Variants in FNDC3B observed in about 807,000 individuals in gnomAD.
The protein encoded by FNDC3B is fibronectin type III domain containing 3B.
In FNDC3B, 12 loss-of-function variants were observed where a neutral mutation model predicts 151.5. The observed-to-expected ratio is 0.08, with a 90% confidence interval of 0.05 to 0.13. FNDC3B has a LOEUF of 0.13. FNDC3B is among the 10% of genes least tolerant of loss of function. FNDC3B has a pLI of 1.00. For synonymous variants in FNDC3B, 528 were observed against 549.0 expected (o/e 0.96, Z 0.54); for missense variants, 1,214 against 1,505.3 (o/e 0.81, Z 3.20).
At chr3:172,340,980 G>A in intron 16 of FNDC3B, 133 bp from the exon 17 acceptor site, 1 of 671,860 alleles carries the variant, frequency 1.5e-6, no homozygotes, top group South Asian at 1.7e-5. Flanking sequence ...AAAAGGAAGA[G>A]CTTTCTGGCT....
intron 3 of FNDC3B, among the ~76,000 whole-genome samples, chr3:172,138,936 C>T (rs1317667799): frequency 6.6e-6 from 1 of 152,344 alleles, no homozygotes; most frequent in East Asian, 1.9e-4. Context: ...AAGACTTCTT[C>T]AGCTCTGTGT....
intron 23 of FNDC3B, among the ~76,000 whole-genome samples, chr3:172,363,151 G>A (rs1481310603): frequency 1.3e-5 from 2 of 152,106 alleles, no homozygotes; most frequent in Admixed American, 1.3e-4. Context: ...TTCACACTAT[G>A]TAATAGCATT....
intron 12 of FNDC3B, chr3:172,329,772 C>G (rs1732545750): frequency 6.6e-6 from 1 of 152,154 alleles, no homozygotes; most frequent in South Asian, 2.1e-4. Context: ...TTTAACATCA[C>G]AAAGTTTTAC....
chr3:172,251,252 C>A lies in FNDC3B; in HGVS notation c.509-8C>A. 6.3e-7 allele frequency: 1 copy of A among 1,592,822 alleles called. No homozygotes were observed. The highest frequency in any genetic ancestry group is 8.6e-7 in the Non-Finnish European group (1 of 1,164,020). On this transcript the variant is annotated splice_region_variant and splice_polypyrimidine_tract_variant and intron_variant, in intron 5 of 25. Coordinates refer to ENST00000415807, the MANE Select transcript of FNDC3B (RefSeq NM_022763.4). ...TGAGTTTGGGTTTATCATAATCATCCATTTTAGAAATTATACCATTTTATG... is the reference window on the plus strand; with the variant it reads ...TGAGTTTGGGTTTATCATAATCATCAATTTTAGAAATTATACCATTTTATG...
intron 1 of FNDC3B, among the ~76,000 whole-genome samples, chr3:172,074,398 A>G (rs779961008): frequency 6.6e-6 from 1 of 152,238 alleles, no homozygotes; most frequent in African/African-American, 2.4e-5. Flanking sequence ...AGGACTTAGA[A>G]TGACTGCTGA....
rs556838588 is a variant in FNDC3B, at chr3:172,247,505, C to T, written c.265-28C>T. On this transcript the variant is annotated intron_variant, in intron 4 of 25. Transcript: ENST00000415807. Reference sequence around the variant, plus strand: ...ATTCATAGGCTGCTAATATGTACTGCGTTCTTTCCTTTTGTGTTTTTCTTT... The same window carrying T: ...ATTCATAGGCTGCTAATATGTACTGTGTTCTTTCCTTTTGTGTTTTTCTTT... 92 of 1,609,234 alleles carry T rather than the reference C, an allele frequency of 5.7e-5. 1 individual carries two copies. The highest frequency in any genetic ancestry group is 3.5e-4 in the South Asian group (32 of 90,796).
chr3:172,337,606 G>T, intron 16 of FNDC3B: 1 of 475,388 alleles, frequency 2.1e-6, no homozygotes, highest in South Asian at 3.4e-5. Context: ...ACTTACATTT[G>T]TGTTATTTAA....
chr3:172,386,399 A>G (rs1425421965), intron 25 of FNDC3B, among the ~76,000 whole-genome samples: 1 of 152,238 alleles, frequency 6.6e-6, no homozygotes, highest in Admixed American at 6.5e-5. Flanking sequence ...TTGGCAGTCA[A>G]AATTTATGAA....
chr3:172,301,021 G>A (rs1338215027), intron 9 of FNDC3B, among the ~76,000 whole-genome samples: 1 of 152,178 alleles, frequency 6.6e-6, no homozygotes, highest in African/African-American at 2.4e-5. Flanking sequence ...ATGATGCATA[G>A]TGGACATGGC....
At chr3:172,056,073 G>T (rs920504929) in intron 1 of FNDC3B, among the ~76,000 whole-genome samples, 2 of 152,128 alleles carry the variant, frequency 1.3e-5, no homozygotes, top group Non-Finnish European at 2.9e-5. Flanking sequence ...GAGCCACTGC[G>T]CCCGGCCTGT....
intron 1 of FNDC3B, among the ~76,000 whole-genome samples, chr3:172,075,236 C>T (rs75599833): frequency 0.036 from 5,402 of 152,138 alleles, 303 homozygotes; most frequent in African/African-American, 0.12. Context: ...ATGCCAAGAA[C>T]CAGGGAAGCC....
At chr3:172,048,603 T>A (rs896704818) in intron 1 of FNDC3B, among the ~76,000 whole-genome samples, 1 of 152,210 alleles carries the variant, frequency 6.6e-6, no homozygotes, top group Non-Finnish European at 1.5e-5. Flanking sequence ...CCATTCCTAT[T>A]CCTATACGCA....
intron 2 of FNDC3B, among the ~76,000 whole-genome samples, chr3:172,119,065 G>T (rs1481254896): frequency 6.6e-6 from 1 of 151,614 alleles, no homozygotes; most frequent in African/African-American, 2.4e-5. Context: ...AGCTACTTGG[G>T]AGGCTGAGAC....
intron 1 of FNDC3B, among the ~76,000 whole-genome samples, chr3:172,094,726 G>A (rs1719015280): frequency 6.6e-6 from 1 of 151,722 alleles, no homozygotes; most frequent in African/African-American, 2.4e-5. Flanking sequence ...GGTTAGTGTT[G>A]TAGAATGACT....
chr3:172,138,897 A>G (rs112029928), intron 3 of FNDC3B, among the ~76,000 whole-genome samples: 1,596 of 152,314 alleles, frequency 0.01, 21 homozygotes, highest in Non-Finnish European at 0.015. Context: ...TCGAATGTGA[A>G]ACTTTTTCCG....
intron 4 of FNDC3B, among the ~76,000 whole-genome samples, chr3:172,231,886 T>G (rs1433191435): frequency 2.0e-5 from 3 of 147,950 alleles, no homozygotes; most frequent in Admixed American, 6.7e-5. Flanking sequence ...ACCGTTTTTT[T>G]TTTTTTTTTT....
At chr3:172,223,656 G>A (rs907757403) in intron 3 of FNDC3B, among the ~76,000 whole-genome samples, 2 of 152,158 alleles carry the variant, frequency 1.3e-5, no homozygotes, top group African/African-American at 4.8e-5. Context: ...TCTGTACTGT[G>A]AAACATTTTA....
At chr3:172,053,293 A>C (rs1411276796) in intron 1 of FNDC3B, among the ~76,000 whole-genome samples, 1 of 152,192 alleles carries the variant, frequency 6.6e-6, no homozygotes, top group African/African-American at 2.4e-5. Flanking sequence ...AAACTTTCCT[A>C]AGTCACTTAG....
chr3:172,057,914 A>T (rs1716993161), intron 1 of FNDC3B, among the ~76,000 whole-genome samples: 1 of 151,960 alleles, frequency 6.6e-6, no homozygotes, highest in African/African-American at 2.4e-5. Context: ...AGGGAGGAAA[A>T]AAAAAAAAGC....
Sources: allele counts gnomAD v4.1 joint callset (sites outside exome capture counted in the v4.1 genomes callset), GRCh38; gene constraint gnomAD v4.1.1; transcripts MANE v1.5; gene names NCBI Gene and HGNC (gene_info 2026-07-23, HGNC 2026-07-21).